Variants in PTPRM observed in about 807,000 individuals in gnomAD.
The protein encoded by PTPRM is protein tyrosine phosphatase receptor type M.
In PTPRM, 47 loss-of-function variants were observed where a neutral mutation model predicts 186.7. The observed-to-expected ratio is 0.25, with a 90% CI of 0.20 to 0.32. The LOEUF (loss-of-function observed/expected upper bound fraction) is 0.32. Ranked by LOEUF, PTPRM falls within the 10% of genes least tolerant of loss-of-function variation. The pLI, the probability that PTPRM is intolerant of heterozygous loss-of-function variation, is 1.00. For missense variants in PTPRM, 1,494 were observed against 1,865.0 expected (o/e 0.80, Z 3.66); for synonymous variants, 668 against 674.9 (o/e 0.99, Z 0.16).
intron 7 of PTPRM, among the ~76,000 whole-genome samples, chr18:7,961,230 T>C (rs1266986199): frequency 3.3e-5 from 5 of 152,200 alleles, no homozygotes. Context: ...ATTGAGAATC[T>C]TTACATCTTC....
chr18:7,852,651 C>T (rs2046919350), intron 2 of PTPRM, among the ~76,000 whole-genome samples: 1 of 151,898 alleles, frequency 6.6e-6, no homozygotes, highest in Non-Finnish European at 1.5e-5. Context: ...TGCCACTGCA[C>T]TCCAGCCTGG....
rs575906379 is a variant in PTPRM, at chr18:8,077,682, G to A, written c.1551+1118G>A. Among the ~76,000 whole-genome samples the A allele has an allele frequency of 1.2e-4, 19 of 152,020 alleles. No individual in the cohort carries two copies. In the South Asian group the frequency reaches 3.7e-3, roughly 30 times the overall value. ...TTTAGTTTTTATTTTTGGCCCCATTGCCATTTTTAGGTCTCAGTTTTGGGG... is the reference window on the plus strand; with the variant it reads ...TTTAGTTTTTATTTTTGGCCCCATTACCATTTTTAGGTCTCAGTTTTGGGG... On this transcript the variant is annotated intron_variant, in intron 9 of 32. Coordinates refer to ENST00000580170, the MANE Select transcript of PTPRM (RefSeq NM_001105244.2).
chr18:8,189,269 G>T (rs2093679968), intron 14 of PTPRM, among the ~76,000 whole-genome samples: 1 of 141,090 alleles, frequency 7.1e-6, no homozygotes, highest in African/African-American at 2.7e-5. Flanking sequence ...TCCAATCTGG[G>T]TAAGAGCAAG....
intron 14 of PTPRM, among the ~76,000 whole-genome samples, chr18:8,173,386 C>T (rs1367015422): frequency 6.6e-6 from 1 of 152,186 alleles, no homozygotes; most frequent in African/African-American, 2.4e-5. Context: ...ACCAGCAGAG[C>T]ATCTATTTTG....
chr18:8,252,535 G>A, intron 18 of PTPRM, 36 bp downstream of exon 18: 6 of 1,529,858 alleles, frequency 3.9e-6, no homozygotes, highest in Non-Finnish European at 4.5e-6. Flanking sequence ...AAGAGTTGTG[G>A]AGGGAGTGGG....
chr18:8,189,147 A>G (rs1360319251), intron 14 of PTPRM, among the ~76,000 whole-genome samples: 1 of 152,056 alleles, frequency 6.6e-6, no homozygotes, highest in Non-Finnish European at 1.5e-5. Context: ...CAAAAAATAA[A>G]TTAGCCAGGC....
chr18:8,211,367 GTC>G (rs2094001544), intron 14 of PTPRM, among the ~76,000 whole-genome samples: 1 of 145,250 alleles, frequency 6.9e-6, no homozygotes, highest in African/African-American at 2.6e-5. Flanking sequence ...GCTTGTGTAG[GTC>G]TCTTCTTCTT....
At chr18:8,341,021 A>G (rs1054337731) in intron 22 of PTPRM, among the ~76,000 whole-genome samples, 2 of 151,606 alleles carry the variant, frequency 1.3e-5, no homozygotes, top group African/African-American at 4.8e-5. Flanking sequence ...GGGTGGGGAA[A>G]CTGAGAGGAG....
At chr18:7,937,212 T>C (rs1037534830) in intron 5 of PTPRM, among the ~76,000 whole-genome samples, 3 of 152,148 alleles carry the variant, frequency 2.0e-5, no homozygotes, top group Non-Finnish European at 2.9e-5. Flanking sequence ...CACCACGTTG[T>C]GGGTGACAAG....
At chr18:7,574,485 A>G (rs950693146) in intron 1 of PTPRM, among the ~76,000 whole-genome samples, 2 of 152,218 alleles carry the variant, frequency 1.3e-5, no homozygotes, top group Non-Finnish European at 2.9e-5. Context: ...TTTAATTCAA[A>G]TAAATATTTA....
At chr18:8,126,916 G>C (rs1271066567) in intron 13 of PTPRM, among the ~76,000 whole-genome samples, 5 of 152,094 alleles carry the variant, frequency 3.3e-5, no homozygotes, top group African/African-American at 1.2e-4. Flanking sequence ...AAGGATGTGT[G>C]GGGTGAGCAG....
intron 2 of PTPRM, among the ~76,000 whole-genome samples, chr18:7,804,664 CT>C (rs1298246585): frequency 6.6e-6 from 1 of 152,066 alleles, no homozygotes; most frequent in African/African-American, 2.4e-5. Context: ...AGCACAAAGG[CT>C]TTTGGTAATT....
At chr18:7,612,956 C>G (rs1338185696) in intron 1 of PTPRM, among the ~76,000 whole-genome samples, 1 of 152,160 alleles carries the variant, frequency 6.6e-6, no homozygotes, top group African/African-American at 2.4e-5. Flanking sequence ...GCTTCCATCT[C>G]TCTCCATGAA....
chr18:7,650,807 A>C (rs1283654135), intron 1 of PTPRM, among the ~76,000 whole-genome samples: 2 of 151,642 alleles, frequency 1.3e-5, no homozygotes, highest in Non-Finnish European at 2.9e-5. Flanking sequence ...TTCAACATCT[A>C]CATGAAAAAA....
chr18:8,045,996 G>A (rs954638789), intron 7 of PTPRM, among the ~76,000 whole-genome samples: 34 of 152,118 alleles, frequency 2.2e-4, no homozygotes, highest in Non-Finnish European at 1.2e-4. Flanking sequence ...TAATCCTTAC[G>A]TGTCAAGGGT....
chr18:7,676,802 A>T (rs968724418), intron 1 of PTPRM, among the ~76,000 whole-genome samples: 1 of 152,230 alleles, frequency 6.6e-6, no homozygotes, highest in African/African-American at 2.4e-5. Context: ...CAGATTATTT[A>T]AAAACTGGAA....
At chr18:8,156,265 T>TA (rs532491579) in intron 14 of PTPRM, among the ~76,000 whole-genome samples, 2 of 152,242 alleles carry the variant, frequency 1.3e-5, no homozygotes, top group African/African-American at 2.4e-5. Flanking sequence ...GATTTTATTT[T>TA]AAAAAAAGAG....
chr18:7,757,073 G>A (rs1354760198), intron 1 of PTPRM, among the ~76,000 whole-genome samples: 2 of 152,060 alleles, frequency 1.3e-5, no homozygotes, highest in Non-Finnish European at 2.9e-5. Flanking sequence ...CTCTGTTAAG[G>A]CTCTTTTGGA....
At chr18:7,816,411 C>T (rs967105870) in intron 2 of PTPRM, among the ~76,000 whole-genome samples, 1 of 152,074 alleles carries the variant, frequency 6.6e-6, no homozygotes, top group African/African-American at 2.4e-5. Flanking sequence ...AATTGACATG[C>T]AAAGCTTTTA....
Sources: gnomAD v4.1 joint callset for allele counts (sites outside exome capture counted in the v4.1 genomes callset) on GRCh38, gnomAD v4.1.1 for gene constraint, MANE v1.5 for transcripts, NCBI Gene and HGNC (gene_info 2026-07-23, HGNC 2026-07-21) for gene names.